The following RBPJ variants were observed in gnomAD, a reference collection of about 807,000 sequenced individuals.
The protein encoded by RBPJ is recombination signal binding protein for immunoglobulin kappa J region.
RBPJ carries 9 observed loss-of-function variants against 67.8 expected under a neutral mutation model. The observed-to-expected ratio is 0.13, with a 90% CI of 0.08 to 0.23. The LOEUF is 0.23. RBPJ is among the 10% of genes least tolerant of loss of function. The pLI, the probability that RBPJ is intolerant of heterozygous loss-of-function variation, is 1.00. For missense variants in RBPJ, 305 were observed against 595.6 expected (o/e 0.51, Z 5.08); for synonymous variants, 198 against 203.3 (o/e 0.97, Z 0.22).
chr4:26,361,731 TGTG>T (rs1383718440), intron 1 of RBPJ, among the ~76,000 whole-genome samples: 2 of 152,192 alleles, frequency 1.3e-5, no homozygotes, highest in Non-Finnish European at 2.9e-5. Flanking sequence ...ATGCCACACT[TGTG>T]GTAAAAGCAG....
chr4:26,269,286 C>T (rs1377383473), intron 1 of RBPJ, among the ~76,000 whole-genome samples: 1 of 151,312 alleles, frequency 6.6e-6, no homozygotes, highest in African/African-American at 2.4e-5. Flanking sequence ...CACAGGGTCT[C>T]GCTCCATCGT....
intron 1 of RBPJ, among the ~76,000 whole-genome samples, chr4:26,230,541 G>T (rs151097835): frequency 3.3e-5 from 5 of 152,194 alleles, no homozygotes; most frequent in Non-Finnish European, 7.4e-5. Flanking sequence ...TTATGGACAC[G>T]TAGTGAATAA....
At position 26,432,019 on chromosome 4, in the gene RBPJ, C is replaced by G. The variant is rs1736284477; in HGVS notation, c.*1012C>G. On this transcript the variant is annotated 3_prime_UTR_variant, in exon 11 of 11. Coordinates refer to ENST00000355476, the MANE Select transcript of RBPJ (RefSeq NM_015874.6). ...TTCCAGGATTTGTTCAGGTTTTTCC[C>G]CCCTCCTAATCTTGTACATAACTTG... 1 of 152,130 alleles carries G rather than the reference C, an allele frequency of 6.6e-6. No individual in the cohort carries two copies. Among genetic ancestry groups the G allele is most frequent in the Non-Finnish European group, 1.5e-5 (1 of 68,032 alleles). The allele number at this position is 152,130 out of a possible 1,614,324, so 9.4% of individuals were successfully genotyped here. A position where few individuals can be genotyped will look rare whatever the true frequency, so the allele number is the denominator to read the frequency against.
At chr4:26,197,045 C>G (rs1440200607) in intron 1 of RBPJ, among the ~76,000 whole-genome samples, 1 of 152,178 alleles carries the variant, frequency 6.6e-6, no homozygotes, top group Non-Finnish European at 1.5e-5. Context: ...CGCTCACTCT[C>G]TCTCTTTTAT....
chr4:26,406,169 T>G lies in RBPJ; in HGVS notation c.60-6T>G. ...CTGTAACAGTAATATTTGTATTTGT[T>G]TTTAGGGAAGCTATGCGAAATTATT... On this transcript the variant is annotated splice_region_variant and splice_polypyrimidine_tract_variant and intron_variant, in intron 2 of 10. Transcript: ENST00000355476. The G allele has an allele frequency of 6.3e-7, 1 of 1,588,634 alleles. No homozygotes were observed. Among genetic ancestry groups the G allele is most frequent in the Non-Finnish European group, 8.6e-7 (1 of 1,157,314 alleles).
chr4:26,253,155 T>C (rs1345409826), intron 1 of RBPJ, among the ~76,000 whole-genome samples: 2 of 152,212 alleles, frequency 1.3e-5, no homozygotes, highest in Non-Finnish European at 2.9e-5. Flanking sequence ...AAAAATATCC[T>C]AAACCGGGTA....
chr4:26,430,085 C>T lies in RBPJ; in HGVS notation c.1044+32C>T. ...ACGCCTAGTCCAAGTTGGCCTTCAG[C>T]TCTTTGCAGCTACTCTCAGCTGTGA... On this transcript the variant is annotated intron_variant, in intron 9 of 10. Coordinates refer to ENST00000355476, the MANE Select transcript of RBPJ (RefSeq NM_015874.6). This position sits in a 1 kb window ranked among gnomAD's most constrained non-coding sequence, Gnocchi z 4.1. 6.2e-7 allele frequency: 1 copy of T among 1,609,912 alleles called. No homozygotes were observed. Among genetic ancestry groups the T allele is most frequent in the Admixed American group, 1.7e-5 (1 of 60,006 alleles).
the RBPJ span, among the ~76,000 whole-genome samples, chr4:26,143,329 T>G: frequency 6.6e-6 from 1 of 152,192 alleles, no homozygotes; most frequent in African/African-American, 2.4e-5. Context: ...AAGGAAATCT[T>G]CTTAACAGGT....
intron 1 of RBPJ, among the ~76,000 whole-genome samples, chr4:26,378,968 G>T (rs1730036493): frequency 6.6e-6 from 1 of 152,172 alleles, no homozygotes; most frequent in Admixed American, 6.5e-5. Flanking sequence ...GGAGGTTGCA[G>T]TGAGCCAAGA....
the RBPJ span, among the ~76,000 whole-genome samples, chr4:26,132,846 G>A: frequency 6.6e-6 from 1 of 152,194 alleles, no homozygotes; most frequent in East Asian, 1.9e-4. Flanking sequence ...TGCAAGAGGG[G>A]GCAGGGTCCT....
chr4:26,161,940 G>A (rs368754620), upstream of RBPJ, among the ~76,000 whole-genome samples: 16 of 152,360 alleles, frequency 1.1e-4, no homozygotes, highest in East Asian at 1.4e-3. Flanking sequence ...CTGGTAAGGA[G>A]AATAGAATAC....
At chr4:26,331,826 G>A (rs925972858) in intron 1 of RBPJ, among the ~76,000 whole-genome samples, 4 of 152,200 alleles carry the variant, frequency 2.6e-5, no homozygotes, top group Admixed American at 6.5e-5. Flanking sequence ...GCAATAAATT[G>A]CAGCTGGCTG....
In RBPJ at chr4:26,338,258, C is replaced by G. The variant is rs113806472; in HGVS notation, c.20+17210C>G. On this transcript the variant is annotated intron_variant, in intron 1 of 10. Transcript: ENST00000355476. ...GCAACCTCTGCCTCCCGGATTCAAG[C>G]AATTCTCCTGCCTCAGCCTCCCGAG... Among the ~76,000 whole-genome samples, 11 of 149,412 alleles carry G rather than the reference C, an allele frequency of 7.4e-5. 1 individual carries two copies. The highest frequency in any genetic ancestry group is 2.7e-4 in the African/African-American group (11 of 40,502).
At chr4:26,316,617 T>TATATATATACACATATTG (rs1722644855), upstream of RBPJ, among the ~76,000 whole-genome samples, 2 of 143,168 alleles carry the variant, frequency 1.4e-5, no homozygotes, top group African/African-American at 5.1e-5. Flanking sequence ...CACATATTGA[T>TATATATATACACATATTG]ATATATATAC....
chr4:26,421,900 T>G (rs1735177726), intron 5 of RBPJ, among the ~76,000 whole-genome samples: 1 of 152,150 alleles, frequency 6.6e-6, no homozygotes, highest in African/African-American at 2.4e-5. Context: ...TTTTTATAGT[T>G]TTTTTGCTTT....
intron 1 of RBPJ, among the ~76,000 whole-genome samples, chr4:26,185,755 G>A (rs987319622): frequency 8.5e-5 from 13 of 152,266 alleles, no homozygotes; most frequent in African/African-American, 3.1e-4. Flanking sequence ...CCAGGCAAAG[G>A]TTGGATATAG....
At chr4:26,270,648 A>C (rs1386516585) in intron 1 of RBPJ, among the ~76,000 whole-genome samples, 1 of 151,876 alleles carries the variant, frequency 6.6e-6, no homozygotes, top group Non-Finnish European at 1.5e-5. Context: ...CCATCCATGT[A>C]GTCCTTCCTA....
chr4:26,193,039 G>A (rs1485281531), intron 1 of RBPJ, among the ~76,000 whole-genome samples: 1 of 152,120 alleles, frequency 6.6e-6, no homozygotes, highest in Non-Finnish European at 1.5e-5. Flanking sequence ...TTTGAAGATG[G>A]AAGAAGGAGC....
At chr4:26,348,734 C>T (rs183398816) in intron 1 of RBPJ, among the ~76,000 whole-genome samples, 4 of 151,918 alleles carry the variant, frequency 2.6e-5, no homozygotes, top group Admixed American at 1.3e-4. Flanking sequence ...GACAAGGTCT[C>T]ACTTTATCAC....
Sources: gnomAD v4.1 joint callset for allele counts (sites outside exome capture counted in the v4.1 genomes callset) on GRCh38, gnomAD v4.1.1 for gene constraint, Gnocchi (gnomAD v3.1) non-coding constraint, MANE v1.5 for transcripts, NCBI Gene and HGNC (gene_info 2026-07-23, HGNC 2026-07-21) for gene names.